DZANK1: variants seen among roughly 807,000 people sequenced by gnomAD.
DZANK1 encodes the protein double zinc ribbon and ankyrin repeat-containing protein 1.
DZANK1 carries 91 observed loss-of-function variants against 94.5 expected under a neutral mutation model. The observed-to-expected ratio is 0.96, with a 90% CI of 0.81 to 1.15. DZANK1 has a LOEUF of 1.15. Among genes scored for constraint, DZANK1 ranks in the 50% most tolerant of loss-of-function variants. The pLI is 0.00. For missense variants in DZANK1, 903 were observed against 916.4 expected (o/e 0.99, Z 0.19); for synonymous variants, 312 against 325.3 (o/e 0.96, Z 0.44).
chr20:18,452,856 C>A (rs1426309501), intron 5 of DZANK1, 117 bp from the exon 6 acceptor site: 1 of 1,064,522 alleles, frequency 9.4e-7, no homozygotes, highest in Non-Finnish European at 1.3e-6. Context: ...ACATTGCTTC[C>A]CTAGAAGTAA....
chr20:18,388,188 T>G (rs2048627218), intron 19 of DZANK1, among the ~76,000 whole-genome samples: 1 of 152,190 alleles, frequency 6.6e-6, no homozygotes. Flanking sequence ...ACCCTCTAGC[T>G]TTCCTCCCCA....
intron 13 of DZANK1, among the ~76,000 whole-genome samples, chr20:18,410,479 A>G (rs1045048205): frequency 3.9e-5 from 6 of 152,242 alleles, no homozygotes; most frequent in African/African-American, 1.4e-4. Flanking sequence ...TATGCAATGC[A>G]AAAGAAAGCA....
At chr20:18,447,033 G>C (rs554726277) in intron 7 of DZANK1, among the ~76,000 whole-genome samples, 2 of 152,274 alleles carry the variant, frequency 1.3e-5, no homozygotes, top group South Asian at 4.1e-4. Flanking sequence ...CTTAACATTT[G>C]AAAACCAATC....
intron 2 of DZANK1, among the ~76,000 whole-genome samples, chr20:18,460,564 C>T (rs2059441353): frequency 6.6e-6 from 1 of 152,116 alleles, no homozygotes; most frequent in Admixed American, 6.5e-5. Flanking sequence ...CCCATCTCTA[C>T]TAAAAATACA....
chr20:18,390,907 A>C (rs1336123738), intron 17 of DZANK1, among the ~76,000 whole-genome samples: 1 of 152,148 alleles, frequency 6.6e-6, no homozygotes, highest in Non-Finnish European at 1.5e-5. Context: ...CTTCTTTAGA[A>C]AAAAAAGGAG....
At chr20:18,429,808 TTC>T (rs1454974533) in intron 9 of DZANK1, among the ~76,000 whole-genome samples, 7 of 152,254 alleles carry the variant, frequency 4.6e-5, no homozygotes, top group Non-Finnish European at 7.3e-5. Flanking sequence ...CATGGCTCAC[TTC>T]TTTCTAGAGC....
intron 12 of DZANK1, among the ~76,000 whole-genome samples, chr20:18,413,502 C>A (rs1171647821): frequency 6.6e-6 from 1 of 152,158 alleles, no homozygotes; most frequent in African/African-American, 2.4e-5. Context: ...CCATGAACGG[C>A]TGGGCATGGT....
intron 9 of DZANK1, among the ~76,000 whole-genome samples, 159 bp from the exon 10 acceptor site, chr20:18,427,318 C>G (rs1232004365): frequency 1.3e-5 from 2 of 151,880 alleles, no homozygotes; most frequent in Non-Finnish European, 2.9e-5. Flanking sequence ...TAAATAGTGT[C>G]AGACAAATAT....
chr20:18,443,411 T>G lies in DZANK1; in HGVS notation c.683A>C (p.Gln228Pro), dbSNP rs200409733. The G allele has an allele frequency of 1.1e-4, 167 of 1,535,334 alleles. No individual in the cohort carries two copies. Among genetic ancestry groups the G allele is most frequent in the Non-Finnish European group, 1.4e-4 (156 of 1,140,564 alleles). The change falls in exon 8 of 21, where the codon CAA becomes CCA. Residue 228 changes from glutamine (Q) to proline (P), a missense_variant. Gln to Pro is a moderately conservative substitution (Grantham distance 76). Coordinates refer to ENST00000262547, the Ensembl canonical transcript of DZANK1. ...GGGTGGGACAGGAGAGCCACATTCT[T>G]GACAGAAGCGAGCAAAGGGATCTGA... is the stretch of plus-strand genomic sequence containing the variant.
chr20:18,389,849 C>G (rs373875140), intron 18 of DZANK1, 21 bp from the exon 19 acceptor site: 10 of 1,613,042 alleles, frequency 6.2e-6, no homozygotes, highest in African/African-American at 1.3e-5. Flanking sequence ...CGGAAAAGGA[C>G]AAACTCTCCA....
chr20:18,426,604 G>T (rs563765845), intron 10 of DZANK1, among the ~76,000 whole-genome samples: 1 of 152,134 alleles, frequency 6.6e-6, no homozygotes, highest in Non-Finnish European at 1.5e-5. Flanking sequence ...GCATATACTC[G>T]TATTTCTTCC....
chr20:18,406,888 C>T (rs894448003), intron 13 of DZANK1, among the ~76,000 whole-genome samples: 1 of 152,142 alleles, frequency 6.6e-6, no homozygotes, highest in Non-Finnish European at 1.5e-5. Flanking sequence ...GGGCTTCAAG[C>T]AAACATTGGC....
intron 13 of DZANK1, among the ~76,000 whole-genome samples, chr20:18,400,351 A>G (rs1228005905): frequency 6.6e-6 from 1 of 152,210 alleles, no homozygotes; most frequent in African/African-American, 2.4e-5. Flanking sequence ...CATGGAGAAC[A>G]TGTCTCACAG....
intron 10 of DZANK1, among the ~76,000 whole-genome samples, chr20:18,415,716 A>G (rs1054013958): frequency 1.3e-5 from 2 of 152,192 alleles, no homozygotes; most frequent in African/African-American, 2.4e-5. Flanking sequence ...ATATTTTTCA[A>G]TATCTTTAAT....
At chr20:18,400,676 A>G (rs967568748) in intron 13 of DZANK1, among the ~76,000 whole-genome samples, 2 of 152,210 alleles carry the variant, frequency 1.3e-5, no homozygotes, top group Non-Finnish European at 2.9e-5. Flanking sequence ...GTCCACTATG[A>G]GTAATCGAGA....
chr20:18,452,832 GAACCACT>G, intron 5 of DZANK1, 93 bp from the exon 6 acceptor site: 1 of 1,289,476 alleles, frequency 7.8e-7, no homozygotes, highest in East Asian at 2.6e-5. Flanking sequence ...TTTTAATAAA[GAACCACT>G]GTCACCACAT....
chr20:18,400,161 CT>C (rs1568895899), intron 13 of DZANK1, among the ~76,000 whole-genome samples: 1 of 152,166 alleles, frequency 6.6e-6, no homozygotes, highest in Non-Finnish European at 1.5e-5. Context: ...TTGGGTTCCC[CT>C]GAAAGCAGAA....
chr20:18,421,132 C>T (rs188161903), intron 10 of DZANK1: 1 of 154,486 alleles, frequency 6.5e-6, no homozygotes, highest in Admixed American at 6.5e-5. Context: ...ATATCTACAT[C>T]TCTTGATGAA....
rs968898298 is a variant in DZANK1 at position 18,393,585 on chromosome 20, T to C, written c.1809+126A>G. The C allele has an allele frequency of 5.7e-5, 36 of 630,384 alleles. No individual in the cohort carries two copies. In the Admixed American group the frequency reaches 1.0e-3, roughly 18 times the overall value. The allele number at this position is 630,384 out of a possible 1,614,324, so 39.0% of individuals were successfully genotyped here. ...AGAAGTCTAAAGGACAAGGATGCCA[T>C]GAGAAACCTCATAAAAAAGGAACAG... is the stretch of plus-strand genomic sequence containing the variant. On this transcript the variant is annotated intron_variant, in intron 17 of 20. Coordinates refer to ENST00000262547, the Ensembl canonical transcript of DZANK1.
Sources: gnomAD v4.1 joint callset for allele counts (sites outside exome capture counted in the v4.1 genomes callset) on GRCh38, gnomAD v4.1.1 for gene constraint, MANE v1.5 for transcripts, NCBI Gene and HGNC (gene_info 2026-07-23, HGNC 2026-07-21) for gene names.